The following IQSEC1 variants were observed in gnomAD, a reference collection of about 807,000 sequenced individuals.
IQSEC1 encodes the protein IQ motif and Sec7 domain ArfGEF 1.
Under a neutral mutation model 91.0 loss-of-function variants are expected in IQSEC1, and 31 were observed. The observed-to-expected ratio is 0.34, with a 90% CI of 0.26 to 0.46. The LOEUF is 0.46. Among genes scored for constraint, IQSEC1 ranks in the 20% least tolerant of loss-of-function variants. The pLI is 1.00. For missense variants in IQSEC1, 1,388 were observed against 1,575.6 expected, an observed-to-expected ratio of 0.88 and a Z score of 2.02; for synonymous variants, 699 against 662.6, an observed-to-expected ratio of 1.05 and a Z score of -0.84.
chr3:13,060,710 G>A (rs905891997), intron 1 of IQSEC1, among the ~76,000 whole-genome samples: 1 of 152,186 alleles, frequency 6.6e-6, no homozygotes, highest in Non-Finnish European at 1.5e-5. Context: ...AGCAGCATCA[G>A]CCCTGCCCCC....
intron 1 of IQSEC1, among the ~76,000 whole-genome samples, chr3:13,267,632 T>A (rs910118794): frequency 2.6e-5 from 4 of 151,016 alleles, no homozygotes; most frequent in African/African-American, 9.7e-5. Context: ...TTTTTTTTTT[T>A]TTTTAGACAG....
At chr3:13,110,106 T>C (rs1044734938) in intron 2 of IQSEC1, among the ~76,000 whole-genome samples, 13 of 151,714 alleles carry the variant, frequency 8.6e-5, no homozygotes, top group African/African-American at 2.4e-5. Flanking sequence ...GGTCTCGAAC[T>C]CCTGACCTCA....
chr3:13,200,929 G>A (rs1011495426), intron 1 of IQSEC1, among the ~76,000 whole-genome samples: 3 of 152,160 alleles, frequency 2.0e-5, no homozygotes, highest in African/African-American at 2.4e-5. Flanking sequence ...GTGGAAAGCC[G>A]TAACATGCAC....
rs563800231 is a variant in IQSEC1, at chr3:12,983,963, G to T, written c.24-42098C>A. ...GCAGAGAGGTAAGGGCCTTTCATAC[G>T]TGGGTTCTGGGGGATAGTAACATGG... On this transcript the variant is annotated intron_variant, in intron 1 of 13. Coordinates refer to ENST00000613206, the MANE Select transcript of IQSEC1 (RefSeq NM_001134382.3). The surrounding 1 kb of genome is among the most constrained non-coding windows in gnomAD (Gnocchi z 4.3). 6.6e-6 allele frequency among the ~76,000 whole-genome samples: 1 copy of T among 152,154 alleles called. No homozygotes were observed. Among genetic ancestry groups the T allele is most frequent in the African/African-American group, 2.4e-5 (1 of 41,428 alleles).
intron 2 of IQSEC1, among the ~76,000 whole-genome samples, chr3:13,124,756 G>A (rs1213440846): frequency 7.5e-6 from 1 of 133,758 alleles, no homozygotes; most frequent in Non-Finnish European, 1.5e-5. Flanking sequence ...TTGGGCAAAC[G>A]TCCCATGGGA....
intron 1 of IQSEC1, among the ~76,000 whole-genome samples, chr3:13,232,891 C>A (rs531795514): frequency 6.6e-6 from 1 of 152,048 alleles, no homozygotes. Flanking sequence ...AAGCCCGTCA[C>A]GAAACGTGAA....
Position 12,908,473 on chromosome 3 carries a change from A to G in IQSEC1, c.2631T>C (p.Ser877=), listed in dbSNP as rs767085836. The part of the protein sequence containing the change: ...GVVRPSMSQC[S]SLKKESGNGT... Reference sequence around the variant, plus strand: ...CGTTGCCCGACTCCTTTTTGAGGCTAGAGCACTGGGACATGCTGGGCCGCA... The same window carrying G: ...CGTTGCCCGACTCCTTTTTGAGGCTGGAGCACTGGGACATGCTGGGCCGCA... The change falls in exon 12 of 14, where the codon TCT becomes TCC. Residue 877 remains serine (S), a synonymous_variant. Transcript: ENST00000613206. This position sits in a 1 kb window ranked among gnomAD's most constrained non-coding sequence, Gnocchi z 4.9. 2.0e-5 allele frequency: 32 copies of G among 1,613,506 alleles called. No homozygotes were observed. Among genetic ancestry groups the G allele is most frequent in the Admixed American group, 1.0e-4 (6 of 60,010 alleles).
At position 13,138,521 on chromosome 3, in the gene IQSEC1, C is replaced by T. The variant is rs561670717; in HGVS notation, c.302+25583G>A. ...CCCACTATCTGTCCAGGCTGTCCTACTCCCACCAGGTGGGTGAGTAGGCTC... is the reference window on the plus strand; with the variant it reads ...CCCACTATCTGTCCAGGCTGTCCTATTCCCACCAGGTGGGTGAGTAGGCTC... On this transcript the variant is annotated intron_variant, in intron 2 of 15. Transcript: ENST00000648114. Among the ~76,000 whole-genome samples the T allele has an allele frequency of 3.0e-4, 45 of 152,286 alleles. No individual in the cohort carries two copies. The South Asian group carries it at 9.3e-3, about 32-fold the overall frequency.
At chr3:13,192,633 A>G (rs1694056789) in intron 1 of IQSEC1, among the ~76,000 whole-genome samples, 2 of 152,210 alleles carry the variant, frequency 1.3e-5, no homozygotes, top group African/African-American at 2.4e-5. Context: ...TCGGGGCCCC[A>G]AGAGGACTCA....
At chr3:13,092,865 G>A (rs1576246310) in intron 2 of IQSEC1, among the ~76,000 whole-genome samples, 2 of 152,124 alleles carry the variant, frequency 1.3e-5, no homozygotes, top group African/African-American at 4.8e-5. Flanking sequence ...CTCCAAGGCC[G>A]AACTTCTTCG....
chr3:13,130,870 G>T (rs1336208936), intron 2 of IQSEC1, among the ~76,000 whole-genome samples: 1 of 151,268 alleles, frequency 6.6e-6, no homozygotes, highest in Admixed American at 6.6e-5. Flanking sequence ...TGGGAGGATT[G>T]CTTGAGACTG....
chr3:13,068,261 A>G (rs1390854459), intron 1 of IQSEC1, among the ~76,000 whole-genome samples: 1 of 152,236 alleles, frequency 6.6e-6, no homozygotes, highest in African/African-American at 2.4e-5. Flanking sequence ...GGTCAGAGGT[A>G]GGTGCTTGCC....
chr3:13,125,712 G>A (rs193021668), intron 2 of IQSEC1, among the ~76,000 whole-genome samples: 151 of 152,360 alleles, frequency 9.9e-4, no homozygotes, highest in African/African-American at 3.2e-3. Context: ...GCTTGTGGGG[G>A]ATAAGGGCCC....
intron 1 of IQSEC1, among the ~76,000 whole-genome samples, chr3:13,184,153 A>G (rs1054629006): frequency 6.6e-6 from 1 of 152,230 alleles, no homozygotes; most frequent in African/African-American, 2.4e-5. Context: ...TCACTTCCCA[A>G]CTAATGTTAT....
intron 1 of IQSEC1, among the ~76,000 whole-genome samples, chr3:13,062,115 A>G (rs1705086610): frequency 6.6e-6 from 1 of 152,174 alleles, no homozygotes; most frequent in Non-Finnish European, 1.5e-5. Context: ...CTATTCACTG[A>G]CAGTAATCAC....
intron 2 of IQSEC1, among the ~76,000 whole-genome samples, chr3:13,112,501 A>G (rs909057190): frequency 6.6e-6 from 1 of 152,204 alleles, no homozygotes; most frequent in African/African-American, 2.4e-5. Context: ...GTCCGGAAAA[A>G]GCTCTGCCCA....
In IQSEC1 at chr3:12,897,417, G is replaced by A. The variant is rs537202214; in HGVS notation, c.*3566C>T. 2 of 152,328 alleles carry A rather than the reference G, an allele frequency of 1.3e-5. No homozygotes were observed. Among genetic ancestry groups the A allele is most frequent in the East Asian group, 3.9e-4 (2 of 5,190 alleles). The allele number at this position is 152,328 out of a possible 1,614,324, so 9.4% of individuals were successfully genotyped here. A position where few individuals can be genotyped will look rare whatever the true frequency, so the allele number is the denominator to read the frequency against. ...GTCTCTGAACAGTCTGGGGATTCAG[G>A]ACCTGATTCTAATTGCTTAAAACAA... is the stretch of plus-strand genomic sequence containing the variant. On this transcript the variant is annotated 3_prime_UTR_variant, in exon 14 of 14. Transcript: ENST00000613206.
chr3:13,215,246 A>G (rs949901666), intron 1 of IQSEC1, among the ~76,000 whole-genome samples: 4 of 151,868 alleles, frequency 2.6e-5, no homozygotes, highest in African/African-American at 7.3e-5. Context: ...AAGGCTCAGA[A>G]TGGCTGACCA....
At chr3:13,279,931 C>G (rs1695757606) in intron 1 of IQSEC1, among the ~76,000 whole-genome samples, 3 of 152,214 alleles carry the variant, frequency 2.0e-5, no homozygotes, top group African/African-American at 4.8e-5. Context: ...CTGCCCCTGG[C>G]TCCAAAGGTC....
Sources: allele counts gnomAD v4.1 joint callset (sites outside exome capture counted in the v4.1 genomes callset), GRCh38; gene constraint gnomAD v4.1.1; non-coding constraint Gnocchi (gnomAD v3.1); transcripts MANE v1.5; gene names NCBI Gene and HGNC (gene_info 2026-07-23, HGNC 2026-07-21).